Variants in DOCK9 observed in about 807,000 individuals in gnomAD.
The protein encoded by DOCK9 is dedicator of cytokinesis protein 9.
DOCK9 carries 89 observed loss-of-function variants against 263.3 expected under a neutral mutation model. The ratio of observed to expected loss-of-function variants is 0.34; its 90% CI spans 0.28 to 0.40. DOCK9 has a LOEUF of 0.40. Among genes scored for constraint, DOCK9 ranks in the 10% least tolerant of loss-of-function variants. DOCK9 has a pLI of 1.00. For synonymous variants in DOCK9, 976 were observed against 973.1 expected (o/e 1.00, Z -0.06); for missense variants, 2,140 against 2,603.4 (o/e 0.82, Z 3.87).
In DOCK9 at chr13:99,042,770, T is replaced by A. The variant is rs1888584641; in HGVS notation, c.129+43453A>T. On this transcript the variant is annotated intron_variant, in intron 1 of 32. Coordinates refer to the DOCK9 transcript ENST00000427887. Reference sequence around the variant, plus strand: ...ATATAAATGGGCCAAAGATTGTCCCTAGGTAGTTTATTTCTTCACTGCAGG... The same window carrying A: ...ATATAAATGGGCCAAAGATTGTCCCAAGGTAGTTTATTTCTTCACTGCAGG... Among the ~76,000 whole-genome samples, 3 of 152,242 alleles carry A rather than the reference T, an allele frequency of 2.0e-5. No homozygotes were observed. The South Asian group carries it at 6.2e-4, about 31-fold the overall frequency.
chr13:98,867,133 A>G, intron 30 of DOCK9: 1 of 480,520 alleles, frequency 2.1e-6, no homozygotes, highest in Middle Eastern at 3.1e-4. Context: ...AGGAAAAGTG[A>G]AACAAATAAA....
chr13:98,985,232 G>C (rs1345008501), intron 1 of DOCK9, among the ~76,000 whole-genome samples: 1 of 152,088 alleles, frequency 6.6e-6, no homozygotes, highest in East Asian at 1.9e-4. Context: ...CCACTGTTTA[G>C]AGAAGGCTCT....
intron 1 of DOCK9, among the ~76,000 whole-genome samples, chr13:99,076,186 A>C (rs1270513484): frequency 6.6e-6 from 1 of 152,240 alleles, no homozygotes; most frequent in Non-Finnish European, 1.5e-5. Context: ...ATATAATGTC[A>C]CCATCCACGT....
chr13:99,001,645 T>G (rs141912852), intron 1 of DOCK9, among the ~76,000 whole-genome samples: 108 of 152,320 alleles, frequency 7.1e-4, no homozygotes, highest in African/African-American at 2.3e-3. Context: ...GATAAGCCTA[T>G]GGCTGAGAGA....
chr13:98,880,015 T>C, intron 26 of DOCK9, 46 bp from the exon 27 acceptor site: 1 of 1,431,250 alleles, frequency 7.0e-7, no homozygotes, highest in East Asian at 2.3e-5. Flanking sequence ...AACAAACTGG[T>C]AGGTAAGACA....
intron 3 of DOCK9, 43 bp downstream of exon 3, chr13:98,930,124 GA>G: frequency 6.5e-7 from 1 of 1,544,914 alleles, no homozygotes; most frequent in Non-Finnish European, 8.8e-7. Context: ...GCAGTTAGGG[GA>G]AAATGACTTC....
In DOCK9 at chr13:98,884,972, C is replaced by T; in HGVS notation, c.2381G>A (p.Arg794Lys). The T allele has an allele frequency of 6.2e-7, 1 of 1,613,116 alleles. No individual in the cohort carries two copies. Among genetic ancestry groups the T allele is most frequent in the Non-Finnish European group, 8.5e-7 (1 of 1,179,552 alleles). ...YLGYQELGMG[R>K]HYGPEIKWVD... ...ACCCAATCTTAAAATGGGACATACC[C>T]TGCCCATCCCAAGCTCCTGGTAGCC... The change falls in exon 21 of 53, where the codon AGG (arginine) becomes AAG (lysine). Residue 794 changes from arginine to lysine, a missense_variant and splice_region_variant. This residue lies in a region of DOCK9 where 1,521 missense variants were observed against 1,741.7 expected (regional missense o/e 0.87). Transcript: ENST00000682017.
chr13:98,855,427 C>T (rs1487575569), intron 34 of DOCK9, among the ~76,000 whole-genome samples: 1 of 152,122 alleles, frequency 6.6e-6, no homozygotes, highest in Non-Finnish European at 1.5e-5. Flanking sequence ...CAAAAATTAG[C>T]CGGGCGTGGT....
chr13:98,839,862 A>G (rs2093146294), intron 38 of DOCK9, among the ~76,000 whole-genome samples: 1 of 152,256 alleles, frequency 6.6e-6, no homozygotes, highest in African/African-American at 2.4e-5. Flanking sequence ...TTATTACACC[A>G]TCTACTCTCC....
intron 1 of DOCK9, among the ~76,000 whole-genome samples, chr13:99,028,103 G>A (rs376676718): frequency 7.9e-5 from 12 of 152,254 alleles, no homozygotes; most frequent in African/African-American, 2.9e-4. Flanking sequence ...AAAATTTTTG[G>A]TTTTCATCCC....
rs542960695 is a variant in DOCK9 at position 98,865,930 on chromosome 13, G to A, written c.3286+1495C>T. 1.3e-4 allele frequency among the ~76,000 whole-genome samples: 20 copies of A among 151,922 alleles called. No individual in the cohort carries two copies. The South Asian group carries it at 2.5e-3, about 19-fold the overall frequency. On this transcript the variant is annotated intron_variant, in intron 30 of 52. Coordinates refer to ENST00000682017, the MANE Select transcript of DOCK9 (RefSeq NM_001366683.2). Reference sequence around the variant, plus strand: ...GGAGGGGTGGCATGATATGTTTGAGGAGCTGGGAGTTGGCAGGGATGCCTG... The same window carrying A: ...GGAGGGGTGGCATGATATGTTTGAGAAGCTGGGAGTTGGCAGGGATGCCTG...
intron 33 of DOCK9, chr13:98,858,179 T>C (rs1712785477): frequency 6.6e-6 from 1 of 152,224 alleles, no homozygotes; most frequent in Admixed American, 6.5e-5. Flanking sequence ...GTATTTAATA[T>C]CCTGGCCCAG....
intron 7 of DOCK9, among the ~76,000 whole-genome samples, chr13:98,920,390 G>T (rs2051743035): frequency 6.6e-6 from 1 of 152,130 alleles, no homozygotes; most frequent in Non-Finnish European, 1.5e-5. Context: ...TGTAATGAAT[G>T]AACCCTCTCA....
intron 38 of DOCK9, among the ~76,000 whole-genome samples, chr13:98,839,231 C>T (rs2093121630): frequency 6.6e-6 from 1 of 152,214 alleles, no homozygotes; most frequent in Non-Finnish European, 1.5e-5. Flanking sequence ...ACACATCTCG[C>T]ACCATGCTAG....
At chr13:99,077,578 T>G (rs528430872) in intron 1 of DOCK9, among the ~76,000 whole-genome samples, 2 of 152,284 alleles carry the variant, frequency 1.3e-5, no homozygotes, top group South Asian at 4.1e-4. Flanking sequence ...TTTATTGCAG[T>G]GCAAAAATGG....
intron 1 of DOCK9, among the ~76,000 whole-genome samples, chr13:99,008,198 CTCTCTCTCTCTCTCTA>C (rs1231314658): frequency 4.0e-5 from 3 of 74,876 alleles, no homozygotes; most frequent in East Asian, 1.5e-3. Flanking sequence ...CTCTCTCTCT[CTCTCTCTCTCTCTCTA>C]TATATATATA....
chr13:98,921,192 G>A (rs553269932), intron 6 of DOCK9, 104 bp from the exon 7 acceptor site: 10 of 1,171,564 alleles, frequency 8.5e-6, no homozygotes, highest in South Asian at 6.6e-5. Flanking sequence ...ACCTGTTTCC[G>A]TTCTCACTCT....
At chr13:98,799,409 G>A (rs760511703) in intron 50 of DOCK9, among the ~76,000 whole-genome samples, 3 of 152,032 alleles carry the variant, frequency 2.0e-5, no homozygotes, top group Non-Finnish European at 4.4e-5. Context: ...AAAAATACCA[G>A]AAAATAAGAG....
At chr13:98,989,085 G>A (rs1879140614) in intron 1 of DOCK9, among the ~76,000 whole-genome samples, 1 of 152,050 alleles carries the variant, frequency 6.6e-6, no homozygotes, top group Non-Finnish European at 1.5e-5. Context: ...CTCCAGAAAT[G>A]CTGTCAATCT....
Sources: allele counts gnomAD v4.1 joint callset (sites outside exome capture counted in the v4.1 genomes callset), GRCh38; gene constraint gnomAD v4.1.1; regional missense constraint gnomAD v4.1.1; transcripts MANE v1.5; gene names NCBI Gene and HGNC (gene_info 2026-07-23, HGNC 2026-07-21).